Variants in LMX1B observed in about 807,000 individuals in gnomAD.
The protein encoded by LMX1B is LIM homeobox transcription factor 1-beta.
In LMX1B, 12 loss-of-function variants were observed where a neutral mutation model predicts 51.4. The observed-to-expected ratio is 0.23, with a 90% confidence interval of 0.15 to 0.38. The LOEUF (loss-of-function observed/expected upper bound fraction) is 0.38. Among genes scored for constraint, LMX1B ranks in the 10% least tolerant of loss-of-function variants. The pLI, the probability that LMX1B is intolerant of heterozygous loss-of-function variation, is 1.00. For synonymous variants in LMX1B, 237 were observed against 235.4 expected, an observed-to-expected ratio of 1.01 and a Z score of -0.06; for missense variants, 445 against 571.1, an observed-to-expected ratio of 0.78 and a Z score of 2.25.
rs113956494 is a variant in LMX1B at position 126,676,885 on chromosome 9, T to C, written c.327-13951T>C. 2.8e-3 allele frequency among the ~76,000 whole-genome samples: 433 copies of C among 152,338 alleles called. 2 individuals are homozygous for C. The highest frequency in any genetic ancestry group is 8.6e-3 in the African/African-American group (359 of 41,576). On this transcript the variant is annotated intron_variant, in intron 2 of 7. Coordinates refer to ENST00000373474, the MANE Select transcript of LMX1B (RefSeq NM_001174147.2). ...AGGCGCTTTTTAATTGTCAAATGAC[T>C]GCGGGCGATTAGCACTGGCAGCTTC...
At chr9:126,630,226 G>A (rs1305019635) in intron 2 of LMX1B, among the ~76,000 whole-genome samples, 2 of 151,002 alleles carry the variant, frequency 1.3e-5, no homozygotes, top group Admixed American at 1.3e-4. Context: ...TTGGGGCTCA[G>A]AGGGGTGAAG....
intron 2 of LMX1B, among the ~76,000 whole-genome samples, chr9:126,620,083 C>G (rs1430655063): frequency 1.3e-5 from 2 of 152,168 alleles, no homozygotes; most frequent in Non-Finnish European, 2.9e-5. Context: ...TCACCATGAG[C>G]ATGGCAGGGA....
At position 126,690,832 on chromosome 9, in the gene LMX1B, G is replaced by T. The variant is rs147333150; in HGVS notation, c.327-4G>T. On this transcript the variant is annotated splice_region_variant and splice_polypyrimidine_tract_variant and intron_variant, in intron 2 of 7. Transcript: ENST00000373474. ...GCCAACACGCCCGCTTTGTGCATCC[G>T]CAGGCTCTTCGCGGCCAAGTGCAGC... 13 of 1,604,746 alleles carry T rather than the reference G, an allele frequency of 8.1e-6. No homozygotes were observed. In the African/African-American group the frequency reaches 1.6e-4, roughly 20 times the overall value.
At chr9:126,632,787 G>A (rs1462063537) in intron 2 of LMX1B, among the ~76,000 whole-genome samples, 6 of 152,138 alleles carry the variant, frequency 3.9e-5, no homozygotes, top group Non-Finnish European at 8.8e-5. Flanking sequence ...TCCCAGCAGG[G>A]GTGACCCACT....
chr9:126,679,103 C>T (rs1836624996), intron 2 of LMX1B, among the ~76,000 whole-genome samples: 1 of 152,210 alleles, frequency 6.6e-6, no homozygotes, highest in South Asian at 2.1e-4. Flanking sequence ...CTACCAGGAG[C>T]CCCCTGAAGA....
intron 2 of LMX1B, among the ~76,000 whole-genome samples, chr9:126,636,844 C>A (rs1322168056): frequency 6.6e-6 from 1 of 152,152 alleles, no homozygotes; most frequent in Non-Finnish European, 1.5e-5. Context: ...GGGCACCAGG[C>A]GTCCGTGGCT....
intron 2 of LMX1B, among the ~76,000 whole-genome samples, chr9:126,620,197 G>A (rs576674502): frequency 1.6e-4 from 24 of 152,278 alleles, no homozygotes; most frequent in Non-Finnish European, 2.5e-4. Context: ...GGGAGGATGA[G>A]GAGCACCCTG....
In LMX1B at chr9:126,626,937, T is replaced by A. The variant is rs1835545433; in HGVS notation, c.326+11368T>A. Among the ~76,000 whole-genome samples, 2 of 152,236 alleles carry A rather than the reference T, an allele frequency of 1.3e-5. No homozygotes were observed. The highest frequency in any genetic ancestry group is 1.9e-4 in the East Asian group (1 of 5,152). On this transcript the variant is annotated intron_variant, in intron 2 of 7. Transcript: ENST00000373474. This position sits in a 1 kb window ranked among gnomAD's most constrained non-coding sequence, Gnocchi z 4.3. ...TATCAGCCCGGCCGGGCCCGCAGCG[T>A]CCGCCGGTCCGTCCGGGCTCCTCTG...
rs1345776421 is a variant in LMX1B at position 126,677,911 on chromosome 9, A to T, written c.327-12925A>T. Among the ~76,000 whole-genome samples, 3 of 152,136 alleles carry T rather than the reference A, an allele frequency of 2.0e-5. No homozygotes were observed. Among genetic ancestry groups the T allele is most frequent in the Admixed American group, 1.3e-4 (2 of 15,276 alleles). ...CTGGCTGCATTAAGAGGAGCATAGGATGGGAAATAAGGGAGGAGATGGTTG... is the reference window on the plus strand; with the variant it reads ...CTGGCTGCATTAAGAGGAGCATAGGTTGGGAAATAAGGGAGGAGATGGTTG... On this transcript the variant is annotated intron_variant, in intron 2 of 7. Transcript: ENST00000373474. This position sits in a 1 kb window ranked among gnomAD's most constrained non-coding sequence, Gnocchi z 5.0.
chr9:126,693,189 G>T lies in LMX1B; in HGVS notation c.607G>T (p.Gly203Cys). The T allele has an allele frequency of 6.2e-7, 1 of 1,604,190 alleles. No individual in the cohort carries two copies. Among genetic ancestry groups the T allele is most frequent in the Non-Finnish European group, 8.5e-7 (1 of 1,175,846 alleles). ...DGDMKPAKGQ[G>C]SQSKGSGDDG... Reference sequence around the variant, plus strand: ...GGACATGAAGCCGGCCAAGGGGCAGGGCAGTCAGAGCAAGGGCAGCGGGGA... The same window carrying T: ...GGACATGAAGCCGGCCAAGGGGCAGTGCAGTCAGAGCAAGGGCAGCGGGGA... Residue 203 changes from glycine to cysteine, a missense_variant, in exon 4 of 8, where the codon GGC (glycine) becomes TGC (cysteine). Gly to Cys is a radical substitution (Grantham distance 159). This residue lies in a region of LMX1B where 273 missense variants were observed against 343.3 expected (regional missense o/e 0.80). Transcript: ENST00000373474.
chr9:126,690,769 T>A (rs969965991), intron 2 of LMX1B, 67 bp from the exon 3 acceptor site: 30 of 1,400,618 alleles, frequency 2.1e-5, no homozygotes, highest in Non-Finnish European at 2.8e-5. Flanking sequence ...GGAGAGGCCC[T>A]CGGCAGGAGT....
intron 5 of LMX1B, 61 bp from the exon 6 acceptor site, chr9:126,693,685 T>G: frequency 1.1e-5 from 17 of 1,590,074 alleles, no homozygotes; most frequent in Non-Finnish European, 1.4e-5. Flanking sequence ...CCAGGGGGCG[T>G]GGGGCTGGCT....
chr9:126,670,818 A>G (rs1007240860), intron 2 of LMX1B, among the ~76,000 whole-genome samples: 4 of 152,210 alleles, frequency 2.6e-5, no homozygotes, highest in Non-Finnish European at 4.4e-5. Context: ...GGACGAAAAA[A>G]GTTTATTTCA....
intron 2 of LMX1B, among the ~76,000 whole-genome samples, chr9:126,680,139 C>T (rs1418189746): frequency 6.6e-6 from 1 of 152,226 alleles, no homozygotes; most frequent in African/African-American, 2.4e-5. Context: ...GCCATCATCC[C>T]CCCATAACCC....
chr9:126,678,612 G>C (rs569204470), intron 2 of LMX1B, among the ~76,000 whole-genome samples: 38 of 152,276 alleles, frequency 2.5e-4, no homozygotes, highest in African/African-American at 8.9e-4. Context: ...CTGATCCTGG[G>C]GAAAATTTAG....
In LMX1B at chr9:126,626,714, G is replaced by T. The variant is rs1233750309; in HGVS notation, c.326+11145G>T. Among the ~76,000 whole-genome samples, 1 of 152,208 alleles carries T rather than the reference G, an allele frequency of 6.6e-6. No individual in the cohort carries two copies. The highest frequency in any genetic ancestry group is 1.9e-4 in the East Asian group (1 of 5,176). Reference sequence around the variant, plus strand: ...GGTGGGTGGGGGGCGTCGAGCGAGCGAGGGAAGGAGCAAGGAGGCGGCGGC... The same window carrying T: ...GGTGGGTGGGGGGCGTCGAGCGAGCTAGGGAAGGAGCAAGGAGGCGGCGGC... On this transcript the variant is annotated intron_variant, in intron 2 of 7. Coordinates refer to ENST00000373474, the MANE Select transcript of LMX1B (RefSeq NM_001174147.2). This position sits in a 1 kb window ranked among gnomAD's most constrained non-coding sequence, Gnocchi z 4.3.
At chr9:126,655,844 C>T (rs1168701632) in intron 2 of LMX1B, among the ~76,000 whole-genome samples, 2 of 152,156 alleles carry the variant, frequency 1.3e-5, no homozygotes, top group African/African-American at 4.8e-5. Flanking sequence ...GAAAGTAGTG[C>T]CTGGCTCACA....
intron 2 of LMX1B, among the ~76,000 whole-genome samples, chr9:126,617,206 G>A (rs1281989923): frequency 6.6e-6 from 1 of 152,002 alleles, no homozygotes; most frequent in Non-Finnish European, 1.5e-5. Flanking sequence ...CCCCTCTGTA[G>A]GGTGCACCAG....
At chr9:126,689,406 ATGG>A (rs1446363700) in intron 2 of LMX1B, among the ~76,000 whole-genome samples, 2 of 152,214 alleles carry the variant, frequency 1.3e-5, no homozygotes, top group Admixed American at 6.5e-5. Flanking sequence ...TGTGCCCGTG[ATGG>A]TGGGCCATAA....
Sources: gnomAD v4.1 joint callset for allele counts (sites outside exome capture counted in the v4.1 genomes callset) on GRCh38, gnomAD v4.1.1 for gene constraint, gnomAD v4.1.1 regional missense constraint, Gnocchi (gnomAD v3.1) non-coding constraint, MANE v1.5 for transcripts, NCBI Gene and HGNC (gene_info 2026-07-23, HGNC 2026-07-21) for gene names.